ZC3H7B: variants seen among roughly 807,000 people sequenced by gnomAD.
ZC3H7B encodes the protein zinc finger CCCH-type containing 7B.
A neutral mutation model predicts 116.0 loss-of-function variants in ZC3H7B; 35 were observed. That is an observed-to-expected ratio of 0.30 (90% CI 0.23 to 0.40). The LOEUF (loss-of-function observed/expected upper bound fraction) is 0.40. Ranked by LOEUF, ZC3H7B falls within the 10% of genes least tolerant of loss-of-function variation. The pLI is 1.00. For missense variants in ZC3H7B, 1,011 were observed against 1,321.5 expected, an observed-to-expected ratio of 0.77 and a Z score of 3.64; for synonymous variants, 502 against 545.6, an observed-to-expected ratio of 0.92 and a Z score of 1.11.
At position 41,325,594 on chromosome 22, in the gene ZC3H7B, T is replaced by C. The variant is rs2036307488; in HGVS notation, c.84T>C (p.Tyr28=). Residue 28 remains tyrosine, a synonymous_variant, in exon 3 of 23, where the codon TAT becomes TAC. Transcript: ENST00000352645. ...QSTLPLKQEE[Y]EAFLLKLVQN... ...CACTACCCCTAAAGCAAGAAGAATA[T>C]GAGGTGAGTGTCAGCTGCCAGGCTG... 3 of 1,611,886 alleles carry C rather than the reference T, an allele frequency of 1.9e-6. No homozygotes were observed. The highest frequency in any genetic ancestry group is 2.5e-6 in the Non-Finnish European group (3 of 1,179,198).
intron 6 of ZC3H7B, among the ~76,000 whole-genome samples, chr22:41,331,858 T>C (rs1400415451): frequency 9.2e-5 from 14 of 152,088 alleles, no homozygotes; most frequent in Admixed American, 9.2e-4. Context: ...TGAGACTCTG[T>C]CTCAGAAAAA....
chr22:41,339,246 C>G (rs1355008037), intron 9 of ZC3H7B, 55 bp downstream of exon 9: 7 of 1,539,224 alleles, frequency 4.5e-6, no homozygotes, highest in Admixed American at 3.7e-5. Context: ...CGCTGTGTCC[C>G]CATTGTCCCA....
Position 41,346,293 on chromosome 22 carries a change from A to G in ZC3H7B, c.1665+85A>G. The stretch of plus-strand genomic sequence containing the variant: ...CTCCCTGGCACGGACCACCATAGGA[A>G]GTCAGCCCTGGAACCCGTGGGCTGT... On this transcript the variant is annotated intron_variant, in intron 14 of 22. Transcript: ENST00000352645. This position sits in a 1 kb window ranked among gnomAD's most constrained non-coding sequence, Gnocchi z 5.3. The G allele has an allele frequency of 6.7e-7, 1 of 1,485,986 alleles. No homozygotes were observed. The highest frequency in any genetic ancestry group is 9.1e-7 in the Non-Finnish European group (1 of 1,099,444). The allele number at this position is 1,485,986 out of a possible 1,614,324, so 92.1% of individuals were successfully genotyped here.
intron 11 of ZC3H7B, 57 bp downstream of exon 11, chr22:41,341,203 C>G: frequency 1.2e-6 from 2 of 1,606,134 alleles, no homozygotes; most frequent in Non-Finnish European, 1.7e-6. Context: ...GTTGTGGGTT[C>G]TAGAGTTGGG....
intron 15 of ZC3H7B, 131 bp from the exon 16 acceptor site, chr22:41,348,989 T>C: frequency 4.0e-6 from 4 of 1,004,714 alleles, no homozygotes; most frequent in Non-Finnish European, 5.8e-6. Context: ...GTGTCATCCA[T>C]GGCCTGGATT....
chr22:41,343,682 C>T lies in ZC3H7B; in HGVS notation c.1459+106C>T, dbSNP rs888574748. ...AGGTAGACAGAACAGGGGTGGGCCT[C>T]ACAGCTGCACGGGAGGAGAAAGCCA... On this transcript the variant is annotated intron_variant, in intron 13 of 22. Coordinates refer to ENST00000352645, the MANE Select transcript of ZC3H7B (RefSeq NM_017590.6). The T allele has an allele frequency of 5.8e-6, 8 of 1,387,072 alleles. No individual in the cohort carries two copies. In the African/African-American group the frequency reaches 1.2e-4, roughly 20 times the overall value. 85.9% of individuals were successfully genotyped at this position (1,387,072 alleles called of 1,614,324 possible). A position where few individuals can be genotyped will look rare whatever the true frequency, so the allele number is the denominator to read the frequency against.
In ZC3H7B at chr22:41,356,071, G is replaced by A. The variant is rs1262151053; in HGVS notation, c.2383+9G>A. 3 of 1,559,670 alleles carry A rather than the reference G, an allele frequency of 1.9e-6. No individual in the cohort carries two copies. The African/African-American group carries it at 4.2e-5, about 22-fold the overall frequency. On this transcript the variant is annotated intron_variant, in intron 20 of 22. Coordinates refer to ENST00000352645, the MANE Select transcript of ZC3H7B (RefSeq NM_017590.6). ...CATGAAGGAGAACAAGAGTGAGTGG[G>A]CAGACGGGGCGGGCGGGCCCTCCCC...
At chr22:41,353,163 C>T (rs2036674907) in intron 17 of ZC3H7B, among the ~76,000 whole-genome samples, 1 of 152,164 alleles carries the variant, frequency 6.6e-6, no homozygotes, top group Non-Finnish European at 1.5e-5. Flanking sequence ...GGACTGACAC[C>T]ACTGATTGTG....
chr22:41,350,426 T>G (rs1388933183), intron 16 of ZC3H7B, among the ~76,000 whole-genome samples: 2 of 152,114 alleles, frequency 1.3e-5, no homozygotes, highest in Non-Finnish European at 2.9e-5. Flanking sequence ...CTCTGGCTGC[T>G]GGGTGGAGAT....
rs1043960081 is a variant in ZC3H7B, at chr22:41,302,113, G to A, written c.-7+341G>A. On this transcript the variant is annotated intron_variant, in intron 1 of 22. Transcript: ENST00000352645. This position sits in a 1 kb window ranked among gnomAD's most constrained non-coding sequence, Gnocchi z 5.7. ...GGAGGTGTCTTGAAATTTTCGTGGG[G>A]CCTCTCTCTTCGGCGTCCGGAGCTT... 4.6e-5 allele frequency among the ~76,000 whole-genome samples: 7 copies of A among 152,076 alleles called. No individual in the cohort carries two copies. The highest frequency in any genetic ancestry group is 1.7e-4 in the African/African-American group (7 of 41,432).
At chr22:41,310,926 G>A (rs1219947446) in intron 1 of ZC3H7B, among the ~76,000 whole-genome samples, 8 of 151,844 alleles carry the variant, frequency 5.3e-5, no homozygotes, top group African/African-American at 1.2e-4. Context: ...CACCACCCCC[G>A]GCTAATTTTT....
intron 22 of ZC3H7B, 93 bp downstream of exon 22, chr22:41,356,901 G>T (rs1337866912): frequency 6.4e-7 from 1 of 1,567,276 alleles, no homozygotes; most frequent in East Asian, 2.2e-5. Flanking sequence ...CCTGGAGGTG[G>T]TGTGCAGGGA....
chr22:41,356,264 C>T (rs1031754573), intron 20 of ZC3H7B, 79 bp from the exon 21 acceptor site: 12 of 1,591,128 alleles, frequency 7.5e-6, no homozygotes, highest in Non-Finnish European at 1.0e-5. Context: ...GCCCACGGCT[C>T]CCAAATCAAG....
chr22:41,354,486 G>A (rs2036688642), intron 17 of ZC3H7B, among the ~76,000 whole-genome samples: 1 of 152,208 alleles, frequency 6.6e-6, no homozygotes, highest in South Asian at 2.1e-4. Flanking sequence ...CAATGCTGGG[G>A]ACACGGTGGG....
rs755411469 is a variant in ZC3H7B, at chr22:41,357,225, C to T, written c.2730C>T (p.Ala910=). 6.2e-7 allele frequency: 1 copy of T among 1,613,720 alleles called. No individual in the cohort carries two copies. Among genetic ancestry groups the T allele is most frequent in the Non-Finnish European group, 8.5e-7 (1 of 1,179,928 alleles). The change falls in exon 23 of 23, where the codon GCC becomes GCT. Residue 910 remains alanine, a synonymous_variant. Transcript: ENST00000352645. The surrounding 1 kb of genome is among the most constrained non-coding windows in gnomAD (Gnocchi z 5.4). ...CAGATGGGGACAAGTGCCGCTGCGC[C>T]CATGGACAGGAGGAGCTCAACGAGT... The part of the protein sequence containing the change: ...ACPDGDKCRC[A]HGQEELNEWL...
rs1418457969 is a variant in ZC3H7B at position 41,360,012 on chromosome 22, A to G, written c.*2583A>G. 6.6e-6 allele frequency: 1 copy of G among 152,644 alleles called. No homozygotes were observed. Among genetic ancestry groups the G allele is most frequent in the Non-Finnish European group, 1.5e-5 (1 of 68,046 alleles). 9.5% of individuals were successfully genotyped at this position (152,644 alleles called of 1,614,324 possible). A position where few individuals can be genotyped will look rare whatever the true frequency, so the allele number is the denominator to read the frequency against. On this transcript the variant is annotated 3_prime_UTR_variant, in exon 23 of 23. Coordinates refer to ENST00000352645, the MANE Select transcript of ZC3H7B (RefSeq NM_017590.6). Reference sequence around the variant, plus strand: ...AAATTTAAGAATACCACACTTTAATATTAAATATTCATAAGGTCTAGTATC... The same window carrying G: ...AAATTTAAGAATACCACACTTTAATGTTAAATATTCATAAGGTCTAGTATC...
intron 7 of ZC3H7B, among the ~76,000 whole-genome samples, chr22:41,337,868 C>CTTT (rs1350031585): frequency 7.3e-6 from 1 of 136,364 alleles, no homozygotes; most frequent in African/African-American, 2.7e-5. Context: ...CGTGTGAGGG[C>CTTT]TTTTTTTTTT....
rs778226906 is a variant in ZC3H7B, at chr22:41,327,282, G to A, written c.362G>A (p.Arg121His). Residue 121 changes from arginine (R) to histidine (H), a missense_variant, in exon 5 of 23, where the codon CGC (arginine) becomes CAC (histidine). By Grantham distance (29) the Arg-to-His change is conservative. Transcript: ENST00000352645. The surrounding 1 kb of genome is among the most constrained non-coding windows in gnomAD (Gnocchi z 4.5). ...LDSESIRALF[R>H]KARALNELGR... ...AGTGAGAGTATCCGGGCGTTGTTCC[G>A]CAAGGCACGCGCTCTCAATGAACTG... The A allele has an allele frequency of 1.1e-5, 17 of 1,613,862 alleles. No individual in the cohort carries two copies. The highest frequency in any genetic ancestry group is 3.3e-5 in the South Asian group (3 of 91,094).
chr22:41,324,443 G>A (rs1444719668), intron 2 of ZC3H7B, among the ~76,000 whole-genome samples: 3 of 152,226 alleles, frequency 2.0e-5, no homozygotes, highest in Non-Finnish European at 4.4e-5. Flanking sequence ...CCCTGCATCC[G>A]ATGCCTTCCT....
Sources: gnomAD v4.1 joint callset for allele counts (sites outside exome capture counted in the v4.1 genomes callset) on GRCh38, gnomAD v4.1.1 for gene constraint, Gnocchi (gnomAD v3.1) non-coding constraint, MANE v1.5 for transcripts, NCBI Gene and HGNC (gene_info 2026-07-23, HGNC 2026-07-21) for gene names.